The following EHBP1 variants were observed in gnomAD, a reference collection of about 807,000 sequenced individuals.
EHBP1 encodes EH domain binding protein 1.
A neutral mutation model predicts 144.0 loss-of-function variants in EHBP1; 55 were observed. That is an observed-to-expected ratio of 0.38 (90% CI 0.31 to 0.48). EHBP1 has a LOEUF of 0.48. Ranked by LOEUF, EHBP1 falls within the 20% of genes least tolerant of loss-of-function variation. EHBP1 has a pLI of 0.98. For synonymous variants in EHBP1, 469 were observed against 472.7 expected, an observed-to-expected ratio of 0.99 and a Z score of 0.10; for missense variants, 1,200 against 1,364.2, an observed-to-expected ratio of 0.88 and a Z score of 1.90.
At chr2:62,826,292 CT>C (rs1465930915) in intron 6 of EHBP1, 24 bp downstream of exon 6, 2 of 1,573,460 alleles carry the variant, frequency 1.3e-6, no homozygotes, top group African/African-American at 1.4e-5. Flanking sequence ...GTCAAATAAG[CT>C]TCCTTACATT....
At chr2:62,861,558 A>G (rs2049548449) in intron 8 of EHBP1, among the ~76,000 whole-genome samples, 1 of 151,860 alleles carries the variant, frequency 6.6e-6, no homozygotes, top group Non-Finnish European at 1.5e-5. Flanking sequence ...AGCCTGGCCA[A>G]CATGGTGAAA....
intron 19 of EHBP1, among the ~76,000 whole-genome samples, chr2:63,024,510 G>A (rs1235155443): frequency 1.3e-5 from 2 of 150,998 alleles, no homozygotes; most frequent in Non-Finnish European, 2.9e-5. Flanking sequence ...CCTGAGGCAG[G>A]AGGATTGCCT....
chr2:62,697,897 C>T (rs548723301), intron 1 of EHBP1, among the ~76,000 whole-genome samples: 2 of 152,190 alleles, frequency 1.3e-5, no homozygotes, highest in East Asian at 1.9e-4. Context: ...CATTCTTGGG[C>T]ATACATCCAT....
At chr2:62,998,391 G>A (rs2059723585) in intron 19 of EHBP1, among the ~76,000 whole-genome samples, 4 of 152,078 alleles carry the variant, frequency 2.6e-5, no homozygotes, top group Admixed American at 2.6e-4. Flanking sequence ...ATAATTACTA[G>A]ACTGAATAAT....
At chr2:62,683,114 A>G (rs2033588473) in intron 1 of EHBP1, among the ~76,000 whole-genome samples, 1 of 141,658 alleles carries the variant, frequency 7.1e-6, no homozygotes, top group African/African-American at 2.7e-5. Context: ...GGCTCCAAGG[A>G]GGCAGCTACT....
At chr2:62,972,441 G>T (rs889575405) in intron 14 of EHBP1, among the ~76,000 whole-genome samples, 2 of 151,950 alleles carry the variant, frequency 1.3e-5, no homozygotes, top group Non-Finnish European at 2.9e-5. Context: ...GTCTTTTAAT[G>T]GAGCCTACAT....
Position 62,942,837 on chromosome 2 carries a change from A to G in EHBP1, c.1305A>G (p.Thr435=). The change falls in exon 11 of 23, where the codon ACA becomes ACG. Residue 435 remains threonine (T), a synonymous_variant. Coordinates refer to ENST00000431489, the MANE Select transcript of EHBP1 (RefSeq NM_001142616.3). The part of the protein sequence containing the change: ...YRGVKITNFT[T]SWRNGLSFCA... ...GAGTAAAAATCACCAATTTTACTAC[A>G]TCGTGGAGAAATGGTTTATCTTTTT... is the stretch of plus-strand genomic sequence containing the variant. The G allele has an allele frequency of 2.5e-6, 4 of 1,613,940 alleles. No homozygotes were observed. The highest frequency in any genetic ancestry group is 1.6e-4 in the Middle Eastern group (1 of 6,062).
chr2:62,998,362 T>C (rs1234747162), intron 19 of EHBP1, among the ~76,000 whole-genome samples: 1 of 152,236 alleles, frequency 6.6e-6, no homozygotes, highest in African/African-American at 2.4e-5. Context: ...ATATTAGCTA[T>C]GTTAGCTATA....
intron 19 of EHBP1, among the ~76,000 whole-genome samples, chr2:63,006,513 G>A (rs901544672): frequency 2.0e-5 from 3 of 151,858 alleles, no homozygotes; most frequent in African/African-American, 7.2e-5. Flanking sequence ...AAACAGTACT[G>A]ACAGGCTTTC....
intron 10 of EHBP1, among the ~76,000 whole-genome samples, chr2:62,928,281 C>G (rs78770123): frequency 0.091 from 13,882 of 152,150 alleles, 792 homozygotes; most frequent in Non-Finnish European, 0.13. Context: ...CTGTGCTAAC[C>G]CGATGGCCTA....
intron 1 of EHBP1, among the ~76,000 whole-genome samples, chr2:62,679,910 G>C (rs1403133984): frequency 6.6e-6 from 1 of 152,142 alleles, no homozygotes; most frequent in Non-Finnish European, 1.5e-5. Context: ...GCAGACCTAA[G>C]GTGAAAGGGC....
intron 7 of EHBP1, among the ~76,000 whole-genome samples, chr2:62,844,395 C>T (rs906394101): frequency 2.6e-5 from 4 of 152,030 alleles, no homozygotes; most frequent in Non-Finnish European, 5.9e-5. Flanking sequence ...AGGTACAGCA[C>T]CAGTGAATAG....
chr2:62,953,972 G>C (rs2057548410), intron 13 of EHBP1, among the ~76,000 whole-genome samples: 1 of 152,186 alleles, frequency 6.6e-6, no homozygotes, highest in South Asian at 2.1e-4. Context: ...AGGAAATCAA[G>C]GGATTAAAAC....
chr2:62,951,585 C>T (rs1043564416), intron 13 of EHBP1, among the ~76,000 whole-genome samples: 6 of 132,178 alleles, frequency 4.5e-5, no homozygotes, highest in African/African-American at 1.1e-4. Flanking sequence ...AGTGCAGTGG[C>T]GTGATCTCAC....
intron 12 of EHBP1, among the ~76,000 whole-genome samples, chr2:62,944,628 A>G (rs1326629720): frequency 2.0e-5 from 3 of 152,192 alleles, no homozygotes; most frequent in Non-Finnish European, 4.4e-5. Flanking sequence ...ATATTTTCCC[A>G]CATAATTAAT....
chr2:62,925,130 A>G (rs1221690992), intron 10 of EHBP1, among the ~76,000 whole-genome samples: 2 of 152,220 alleles, frequency 1.3e-5, no homozygotes, highest in Non-Finnish European at 2.9e-5. Context: ...CTCAATAGGT[A>G]TAGAAAAAGC....
intron 7 of EHBP1, among the ~76,000 whole-genome samples, chr2:62,831,413 C>G (rs1300663605): frequency 1.3e-5 from 2 of 152,096 alleles, no homozygotes; most frequent in Admixed American, 1.3e-4. Context: ...ACAAAGCAAC[C>G]TAAATCTGGT....
At chr2:62,845,599 G>T (rs1215209626) in intron 7 of EHBP1, among the ~76,000 whole-genome samples, 1 of 151,776 alleles carries the variant, frequency 6.6e-6, no homozygotes, top group Non-Finnish European at 1.5e-5. Context: ...TGGTCAGAGA[G>T]TAGGACCATT....
intron 14 of EHBP1, chr2:62,955,954 T>G (rs1403175066): frequency 9.0e-6 from 2 of 222,676 alleles, no homozygotes; most frequent in Non-Finnish European, 1.7e-5. Context: ...AGTTGTACTC[T>G]AAGATTGTAT....
Sources: gnomAD v4.1 joint callset for allele counts (sites outside exome capture counted in the v4.1 genomes callset) on GRCh38, gnomAD v4.1.1 for gene constraint, MANE v1.5 for transcripts, NCBI Gene and HGNC (gene_info 2026-07-23, HGNC 2026-07-21) for gene names.